Variants in ANKRD13C observed in about 807,000 individuals in gnomAD.
ANKRD13C encodes the protein ankyrin repeat domain 13C.
Under a neutral mutation model 65.5 loss-of-function variants are expected in ANKRD13C, and 16 were observed. The observed-to-expected ratio is 0.24, with a 90% CI of 0.17 to 0.37. The LOEUF (loss-of-function observed/expected upper bound fraction) is 0.37. Among genes scored for constraint, ANKRD13C ranks in the 10% least tolerant of loss-of-function variants. ANKRD13C has a pLI of 1.00. For synonymous variants in ANKRD13C, 235 were observed against 238.7 expected (o/e 0.98, Z 0.14); for missense variants, 503 against 655.9 (o/e 0.77, Z 2.55).
intron 1 of ANKRD13C, among the ~76,000 whole-genome samples, chr1:70,341,089 G>A (rs945983466): frequency 2.0e-5 from 3 of 152,238 alleles, no homozygotes; most frequent in South Asian, 2.1e-4. Context: ...CAGCCTGGGC[G>A]ACAGAGCGAG....
At chr1:70,319,872 T>G (rs1379090837) in intron 3 of ANKRD13C, among the ~76,000 whole-genome samples, 5 of 147,396 alleles carry the variant, frequency 3.4e-5, no homozygotes, top group African/African-American at 4.9e-5. Context: ...CTCCCTTAAG[T>G]AGGATGACTT....
intron 2 of ANKRD13C, among the ~76,000 whole-genome samples, chr1:70,326,121 C>T (rs1489942960): frequency 1.4e-5 from 2 of 143,676 alleles, no homozygotes; most frequent in Admixed American, 1.4e-4. Context: ...ATCCCAGCTA[C>T]TCGGGAAACT....
intron 6 of ANKRD13C, among the ~76,000 whole-genome samples, chr1:70,302,743 A>G (rs1408856684): frequency 3.3e-5 from 5 of 150,418 alleles, no homozygotes; most frequent in Non-Finnish European, 4.4e-5. Context: ...AAAAAAAAAA[A>G]AAAAAAAAAA....
rs910901286 is a variant in ANKRD13C, at chr1:70,262,147, T to C, written c.*570A>G. On this transcript the variant is annotated 3_prime_UTR_variant, in exon 13 of 13. Coordinates refer to ENST00000370944, the MANE Select transcript of ANKRD13C (RefSeq NM_030816.5). ...TAATGGTTACCATTTGGTTCATTCA[T>C]CTACAGAAAATTGCATTCCTTCTAG... 6.6e-6 allele frequency: 1 copy of C among 152,620 alleles called. No homozygotes were observed. The highest frequency in any genetic ancestry group is 2.4e-5 in the African/African-American group (1 of 41,472). The allele number at this position is 152,620 out of a possible 1,614,324, so 9.5% of individuals were successfully genotyped here.
In ANKRD13C at chr1:70,346,963, G is replaced by A. The variant is rs543137604; in HGVS notation, c.430+7016C>T. ...AAAAACTAGCCGGGCGTGGTGGCGG[G>A]CGCCTGTAGTCCCAGCTACTCGGGA... On this transcript the variant is annotated intron_variant, in intron 1 of 12. Coordinates refer to ENST00000370944, the MANE Select transcript of ANKRD13C (RefSeq NM_030816.5). Among the ~76,000 whole-genome samples, 624 of 151,904 alleles carry A rather than the reference G, an allele frequency of 4.1e-3. 6 individuals are homozygous for A. The highest frequency in any genetic ancestry group is 0.036 in the South Asian group (173 of 4,796).
At chr1:70,275,591 G>C (rs1263599842) in intron 10 of ANKRD13C, among the ~76,000 whole-genome samples, 1 of 151,764 alleles carries the variant, frequency 6.6e-6, no homozygotes, top group Non-Finnish European at 1.5e-5. Flanking sequence ...TTCTGGTTTG[G>C]TATGGTCTGC....
At chr1:70,348,697 G>A (rs186271012) in intron 1 of ANKRD13C, among the ~76,000 whole-genome samples, 125 of 152,300 alleles carry the variant, frequency 8.2e-4, no homozygotes, top group African/African-American at 2.8e-3. Context: ...ACCTGCATCA[G>A]CAGGAATATT....
At chr1:70,292,176 AAAGAT>A in intron 9 of ANKRD13C, 1 of 370,698 alleles carries the variant, frequency 2.7e-6, no homozygotes, top group Non-Finnish European at 4.7e-6. Flanking sequence ...ATGAAGACTC[AAAGAT>A]AAAGTACAGA....
chr1:70,293,238 A>G (rs1481032249), intron 8 of ANKRD13C, among the ~76,000 whole-genome samples: 1 of 152,082 alleles, frequency 6.6e-6, no homozygotes, highest in Admixed American at 6.6e-5. Context: ...ATTAACTTTT[A>G]CCTTTTTCAG....
chr1:70,343,988 A>G (rs1682420988), intron 1 of ANKRD13C, among the ~76,000 whole-genome samples: 2 of 152,124 alleles, frequency 1.3e-5, no homozygotes, highest in Non-Finnish European at 2.9e-5. Context: ...TTGTCTCTAC[A>G]AACAATAATT....
intron 9 of ANKRD13C, among the ~76,000 whole-genome samples, chr1:70,284,351 CAT>C (rs1289478361): frequency 1.3e-5 from 2 of 151,740 alleles, no homozygotes; most frequent in Non-Finnish European, 2.9e-5. Flanking sequence ...AATAAGAAAT[CAT>C]ATATATTTTC....
chr1:70,349,356 G>A (rs1682653726), intron 1 of ANKRD13C, among the ~76,000 whole-genome samples: 1 of 152,028 alleles, frequency 6.6e-6, no homozygotes, highest in Non-Finnish European at 1.5e-5. Flanking sequence ...CCAAAAAACA[G>A]CTGTTATTAA....
intron 8 of ANKRD13C, 58 bp from the exon 9 acceptor site, chr1:70,292,607 T>C: frequency 7.6e-7 from 1 of 1,311,116 alleles, no homozygotes; most frequent in Non-Finnish European, 1.1e-6. Flanking sequence ...AGTGTCAAGG[T>C]AATATATTTT....
At chr1:70,288,643 T>C (rs1471462858) in intron 9 of ANKRD13C, among the ~76,000 whole-genome samples, 1 of 152,188 alleles carries the variant, frequency 6.6e-6, no homozygotes, top group East Asian at 1.9e-4. Context: ...TTCAAAAGGC[T>C]AAGTACTATA....
chr1:70,288,356 T>C (rs1679711874), intron 9 of ANKRD13C, among the ~76,000 whole-genome samples: 1 of 152,210 alleles, frequency 6.6e-6, no homozygotes, highest in Admixed American at 6.5e-5. Flanking sequence ...TTCAGCTAAC[T>C]ACCATATGAC....
chr1:70,262,157 A>C lies in ANKRD13C; in HGVS notation c.*560T>G, dbSNP rs1389693957. 2.6e-5 allele frequency: 4 copies of C among 152,594 alleles called. No individual in the cohort carries two copies. Among genetic ancestry groups the C allele is most frequent in the Admixed American group, 1.3e-4 (2 of 15,264 alleles). 9.5% of individuals were successfully genotyped at this position (152,594 alleles called of 1,614,324 possible). On this transcript the variant is annotated 3_prime_UTR_variant, in exon 13 of 13. Transcript: ENST00000370944. ...CATTTGGTTCATTCATCTACAGAAA[A>C]TTGCATTCCTTCTAGTTCATTATAT...
Position 70,306,217 on chromosome 1 carries a change from A to G in ANKRD13C, c.776+7T>C, listed in dbSNP as rs1680582599. ...CTTTTACTGAGAAAAAAATCAAATC[A>G]CCTTACCTGATATTGATACCTTGTT... On this transcript the variant is annotated splice_region_variant and intron_variant, in intron 6 of 12. Transcript: ENST00000370944. 6.5e-7 allele frequency: 1 copy of G among 1,541,062 alleles called. No homozygotes were observed. Among genetic ancestry groups the G allele is most frequent in the Non-Finnish European group, 8.8e-7 (1 of 1,142,064 alleles).
chr1:70,334,310 A>G (rs1395660191), intron 2 of ANKRD13C, among the ~76,000 whole-genome samples: 1 of 152,176 alleles, frequency 6.6e-6, no homozygotes, highest in African/African-American at 2.4e-5. Flanking sequence ...TGGGCAACGG[A>G]GCAAGACCCT....
At chr1:70,290,460 C>T (rs928102235) in intron 9 of ANKRD13C, among the ~76,000 whole-genome samples, 2 of 151,970 alleles carry the variant, frequency 1.3e-5, no homozygotes, top group African/African-American at 4.8e-5. Context: ...CATGTTTATA[C>T]AACACACACA....
Sources: allele counts gnomAD v4.1 joint callset (sites outside exome capture counted in the v4.1 genomes callset), GRCh38; gene constraint gnomAD v4.1.1; transcripts MANE v1.5; gene names NCBI Gene and HGNC (gene_info 2026-07-23, HGNC 2026-07-21).